ALK: variants seen among roughly 807,000 people sequenced by gnomAD.
The protein encoded by ALK is ALK receptor tyrosine kinase.
ALK carries 74 observed loss-of-function variants against 163.1 expected under a neutral mutation model. That is an observed-to-expected ratio of 0.45 (90% CI 0.38 to 0.55). ALK has a LOEUF of 0.55. Ranked by LOEUF, ALK falls within the 20% of genes least tolerant of loss-of-function variation. The probability of loss-of-function intolerance (pLI) is 0.00; values close to 1 mark genes in which losing one functional copy is unlikely to be tolerated. For synonymous variants in ALK, 960 were observed against 843.2 expected (o/e 1.14, Z -2.40); for missense variants, 2,063 against 2,105.3 (o/e 0.98, Z 0.39).
At chr2:29,480,527 A>G (rs1671636303) in intron 4 of ALK, among the ~76,000 whole-genome samples, 1 of 152,114 alleles carries the variant, frequency 6.6e-6, no homozygotes. Flanking sequence ...TAAACTGTGT[A>G]TGGTCCTAGG....
chr2:29,233,321 T>A (rs1200112894), intron 14 of ALK, among the ~76,000 whole-genome samples: 1 of 152,154 alleles, frequency 6.6e-6, no homozygotes, highest in Admixed American at 6.5e-5. Context: ...TTTTAAATTT[T>A]TTTTGGTAGA....
At chr2:29,322,434 T>A (rs538813733) in intron 6 of ALK, among the ~76,000 whole-genome samples, 2 of 152,332 alleles carry the variant, frequency 1.3e-5, no homozygotes, top group East Asian at 3.9e-4. Context: ...AACTTTCTGT[T>A]TTATTTTTTA....
chr2:29,323,147 A>G (rs1667126341), intron 6 of ALK, among the ~76,000 whole-genome samples: 1 of 152,174 alleles, frequency 6.6e-6, no homozygotes, highest in Non-Finnish European at 1.5e-5. Flanking sequence ...ATGGGGCAGT[A>G]TTAGTGTCTA....
intron 2 of ALK, among the ~76,000 whole-genome samples, chr2:29,704,264 C>G (rs1345338456): frequency 6.6e-6 from 1 of 152,194 alleles, no homozygotes; most frequent in Non-Finnish European, 1.5e-5. Flanking sequence ...CTCAAGGGAA[C>G]TCTCTCAGTG....
intron 4 of ALK, among the ~76,000 whole-genome samples, chr2:29,485,876 C>G (rs529383481): frequency 3.9e-4 from 59 of 152,210 alleles, no homozygotes; most frequent in Admixed American, 2.2e-3. Flanking sequence ...TTTTAGGATC[C>G]TTTTTGTGGT....
At chr2:29,453,904 G>A (rs550452121) in intron 4 of ALK, among the ~76,000 whole-genome samples, 1 of 152,228 alleles carries the variant, frequency 6.6e-6, no homozygotes, top group South Asian at 2.1e-4. Flanking sequence ...AAAGCATGGA[G>A]ATCTCACATT....
intron 3 of ALK, among the ~76,000 whole-genome samples, chr2:29,626,655 T>A (rs560216653): frequency 6.6e-6 from 1 of 152,142 alleles, no homozygotes; most frequent in African/African-American, 2.4e-5. Flanking sequence ...CCCCTCCCCA[T>A]GTGAGGACAC....
intron 8 of ALK, among the ~76,000 whole-genome samples, chr2:29,308,702 C>T (rs1341844935): frequency 6.6e-6 from 1 of 152,152 alleles, no homozygotes; most frequent in Non-Finnish European, 1.5e-5. Flanking sequence ...GTCAACAGTA[C>T]CCTGCTTAGA....
intron 4 of ALK, among the ~76,000 whole-genome samples, chr2:29,445,603 C>CTGAGAT (rs1670653380): frequency 6.6e-6 from 1 of 151,452 alleles, no homozygotes; most frequent in South Asian, 2.1e-4. Context: ...ACCTGAGGAC[C>CTGAGAT]TGAGATCAGG....
In ALK at chr2:29,192,911, G is replaced by A; in HGVS notation, c.*313C>T. On this transcript the variant is annotated 3_prime_UTR_variant, in exon 29 of 29. Transcript: ENST00000389048. ...AGCTAATTCTGACTACATTGAAGCA[G>A]AGCACACACAATTTGAAAGAAGCAT... 2.2e-6 allele frequency: 1 copy of A among 447,964 alleles called. No homozygotes were observed. Among genetic ancestry groups the A allele is most frequent in the South Asian group, 2.2e-5 (1 of 45,882 alleles). 27.7% of individuals were successfully genotyped at this position (447,964 alleles called of 1,614,324 possible). A position where few individuals can be genotyped will look rare whatever the true frequency, so the allele number is the denominator to read the frequency against.
chr2:29,766,622 C>T (rs1368560903), intron 1 of ALK, among the ~76,000 whole-genome samples: 1 of 152,178 alleles, frequency 6.6e-6, no homozygotes, highest in Non-Finnish European at 1.5e-5. Context: ...GTTGATCTGT[C>T]TACTCAGCAG....
At chr2:29,220,571 C>T (rs1041769073) in intron 23 of ALK, 135 bp downstream of exon 23, 6 of 1,236,548 alleles carry the variant, frequency 4.9e-6, no homozygotes, top group Non-Finnish European at 5.7e-6. Context: ...AGTCAGTCAC[C>T]CCCCTGTCCA....
intron 1 of ALK, among the ~76,000 whole-genome samples, chr2:29,890,123 G>C (rs150288511): frequency 6.6e-6 from 1 of 152,148 alleles, no homozygotes; most frequent in East Asian, 1.9e-4. Flanking sequence ...CTTGACAATT[G>C]ACTCTATGCC....
intron 11 of ALK, among the ~76,000 whole-genome samples, chr2:29,258,205 CCTT>C (rs1462351795): frequency 2.0e-5 from 3 of 152,180 alleles, no homozygotes; most frequent in African/African-American, 7.2e-5. Context: ...TTTGCTGACT[CCTT>C]CTCCATGGGG....
chr2:29,776,739 G>A (rs987263831), intron 1 of ALK, among the ~76,000 whole-genome samples: 1 of 152,142 alleles, frequency 6.6e-6, no homozygotes, highest in African/African-American at 2.4e-5. Context: ...CAAGTCTGCA[G>A]TAAGCTATGA....
chr2:29,639,844 A>G (rs897166081), intron 3 of ALK, among the ~76,000 whole-genome samples: 23 of 152,210 alleles, frequency 1.5e-4, no homozygotes, highest in African/African-American at 5.5e-4. Flanking sequence ...CGTGAACAGC[A>G]TCTTCGACAA....
chr2:29,506,555 G>A (rs1672329980), intron 4 of ALK, among the ~76,000 whole-genome samples: 1 of 152,078 alleles, frequency 6.6e-6, no homozygotes, highest in African/African-American at 2.4e-5. Context: ...GACCATCCTG[G>A]CCAACACGGT....
At chr2:29,267,472 C>A (rs1203380140) in intron 11 of ALK, among the ~76,000 whole-genome samples, 1 of 152,216 alleles carries the variant, frequency 6.6e-6, no homozygotes, top group Non-Finnish European at 1.5e-5. Flanking sequence ...AAATCCCCTG[C>A]TGCACAGCTG....
chr2:29,579,245 AT>A (rs1172825596), intron 3 of ALK, among the ~76,000 whole-genome samples: 42 of 152,162 alleles, frequency 2.8e-4, no homozygotes, highest in Non-Finnish European at 5.7e-4. Context: ...TGCCTCACCT[AT>A]GGATGGTTTA....
Sources: allele counts gnomAD v4.1 joint callset (sites outside exome capture counted in the v4.1 genomes callset), GRCh38; gene constraint gnomAD v4.1.1; transcripts MANE v1.5; gene names NCBI Gene and HGNC (gene_info 2026-07-23, HGNC 2026-07-21).